C15orf61: variants seen among roughly 807,000 people sequenced by gnomAD.
C15orf61 encodes the protein chromosome 15 open reading frame 61, also known as uncharacterized protein C15orf61.
C15orf61 carries 12 observed loss-of-function variants against 13.7 expected under a neutral mutation model. The ratio of observed to expected loss-of-function variants is 0.88; its 90% CI spans 0.56 to 1.42. The LOEUF (loss-of-function observed/expected upper bound fraction) is 1.42, where lower values mean the gene tolerates loss of function less well. Ranked by LOEUF, C15orf61 falls within the 40% of genes most tolerant of loss-of-function variation. C15orf61 has a pLI of 0.00. For synonymous variants in C15orf61, 92 were observed against 94.1 expected (o/e 0.98, Z 0.13); for missense variants, 248 against 213.2 (o/e 1.16, Z -1.02).
At chr15:67,526,004 C>A (rs1263410977) in intron 1 of C15orf61, among the ~76,000 whole-genome samples, 1 of 152,208 alleles carries the variant, frequency 6.6e-6, no homozygotes, top group Non-Finnish European at 1.5e-5. Flanking sequence ...CAGAGTGAGA[C>A]TCCATCTCAC....
intron 1 of C15orf61, among the ~76,000 whole-genome samples, chr15:67,523,018 A>G (rs1202024994): frequency 1.3e-5 from 2 of 152,214 alleles, no homozygotes; most frequent in Non-Finnish European, 2.9e-5. Context: ...AAGTTGAAAG[A>G]AACAACAGTT....
chr15:67,521,398 C>T lies in C15orf61; in HGVS notation c.150C>T (p.Ser50=), dbSNP rs1273144205. The change falls in exon 1 of 2, where the codon TCC becomes TCT. Residue 50 remains serine (S), a synonymous_variant. Coordinates refer to ENST00000342683, the MANE Select transcript of C15orf61 (RefSeq NM_001143936.2). ...LLQRRLPHWT[S]FCVPYSAVRN... Reference sequence around the variant, plus strand: ...AGCGGCGCCTGCCGCACTGGACCTCCTTCTGCGTGCCCTACAGCGCCGTCC... The same window carrying T: ...AGCGGCGCCTGCCGCACTGGACCTCTTTCTGCGTGCCCTACAGCGCCGTCC... The T allele has an allele frequency of 2.6e-6, 4 of 1,542,484 alleles. No homozygotes were observed. Among genetic ancestry groups the T allele is most frequent in the African/African-American group, 1.4e-5 (1 of 73,038 alleles).
intron 1 of C15orf61, among the ~76,000 whole-genome samples, chr15:67,524,739 C>G (rs1400305499): frequency 6.6e-6 from 1 of 151,888 alleles, no homozygotes. Flanking sequence ...AGCAAACACA[C>G]TCAAAAAGAG....
chr15:67,523,190 G>T (rs1412532159), intron 1 of C15orf61, among the ~76,000 whole-genome samples: 1 of 152,080 alleles, frequency 6.6e-6, no homozygotes, highest in Non-Finnish European at 1.5e-5. Flanking sequence ...TACAAATTGG[G>T]ATATACTGAT....
At chr15:67,522,497 T>C (rs1011265079) in intron 1 of C15orf61, among the ~76,000 whole-genome samples, 3 of 152,212 alleles carry the variant, frequency 2.0e-5, no homozygotes, top group African/African-American at 4.8e-5. Context: ...AGTCTGTGTA[T>C]TTGTGCTTAT....
intron 1 of C15orf61, 121 bp downstream of exon 1, chr15:67,521,715 C>A: frequency 9.4e-7 from 1 of 1,067,434 alleles, no homozygotes; most frequent in Non-Finnish European, 1.3e-6. Flanking sequence ...AGCTCTGCCT[C>A]CCGGCGCCGG....
chr15:67,521,824 G>T, intron 1 of C15orf61: 2 of 617,704 alleles, frequency 3.2e-6, no homozygotes, highest in South Asian at 4.0e-5. Flanking sequence ...GCGTCCTCGG[G>T]CCTAGGGAGG....
rs1167662062 is a variant in C15orf61, at chr15:67,526,699, A to C, written c.*154A>C. On this transcript the variant is annotated 3_prime_UTR_variant, in exon 2 of 2. Coordinates refer to ENST00000342683, the MANE Select transcript of C15orf61 (RefSeq NM_001143936.2). ...ATGAATCATTGCCCTCAAGAGGTGAAGCTTTTTATACATCGTTATATATTA... is the reference window on the plus strand; with the variant it reads ...ATGAATCATTGCCCTCAAGAGGTGACGCTTTTTATACATCGTTATATATTA... 1.5e-6 allele frequency: 1 copy of C among 679,982 alleles called. No homozygotes were observed. Among genetic ancestry groups the C allele is most frequent in the Admixed American group, 3.8e-5 (1 of 26,652 alleles). The allele number at this position is 679,982 out of a possible 1,614,324, so 42.1% of individuals were successfully genotyped here. A position where few individuals can be genotyped will look rare whatever the true frequency, so the allele number is the denominator to read the frequency against.
At position 67,528,017 on chromosome 15, in the gene C15orf61, C is replaced by T. The variant is rs1183054286; in HGVS notation, c.*1472C>T. 1 of 152,182 alleles carries T rather than the reference C, an allele frequency of 6.6e-6. No homozygotes were observed. Among genetic ancestry groups the T allele is most frequent in the Non-Finnish European group, 1.5e-5 (1 of 68,032 alleles). The allele number at this position is 152,182 out of a possible 1,614,324, so 9.4% of individuals were successfully genotyped here. A position where few individuals can be genotyped will look rare whatever the true frequency, so the allele number is the denominator to read the frequency against. ...TGCAGGGAAGGCTAGAACTGATTTC[C>T]TCTGTAATGGGCAAAGTTAAATAAC... On this transcript the variant is annotated 3_prime_UTR_variant, in exon 2 of 2. Transcript: ENST00000342683.
At chr15:67,524,843 T>G (rs1596529096) in intron 1 of C15orf61, among the ~76,000 whole-genome samples, 1 of 148,726 alleles carries the variant, frequency 6.7e-6, no homozygotes, top group Non-Finnish European at 1.5e-5. Context: ...GTTTGTTTTT[T>G]TTTTTTTTTT....
In C15orf61 at chr15:67,528,009, C is replaced by A. The variant is rs946822366; in HGVS notation, c.*1464C>A. ...TAGCATTTTGCAGGGAAGGCTAGAACTGATTTCCTCTGTAATGGGCAAAGT... is the reference window on the plus strand; with the variant it reads ...TAGCATTTTGCAGGGAAGGCTAGAAATGATTTCCTCTGTAATGGGCAAAGT... On this transcript the variant is annotated 3_prime_UTR_variant, in exon 2 of 2. Transcript: ENST00000342683. The A allele has an allele frequency of 5.9e-5, 9 of 152,204 alleles. No individual in the cohort carries two copies. Among genetic ancestry groups the A allele is most frequent in the African/African-American group, 2.2e-4 (9 of 41,450 alleles). The allele number at this position is 152,204 out of a possible 1,614,324, so 9.4% of individuals were successfully genotyped here. A position where few individuals can be genotyped will look rare whatever the true frequency, so the allele number is the denominator to read the frequency against.
Position 67,521,186 on chromosome 15 carries a change from C to T in C15orf61, c.-63C>T, listed in dbSNP as rs2084155851. The T allele has an allele frequency of 1.8e-6, 2 of 1,117,626 alleles. No individual in the cohort carries two copies. Among genetic ancestry groups the T allele is most frequent in the Non-Finnish European group, 1.1e-6 (1 of 896,614 alleles). The allele number at this position is 1,117,626 out of a possible 1,614,324, so 69.2% of individuals were successfully genotyped here. A position where few individuals can be genotyped will look rare whatever the true frequency, so the allele number is the denominator to read the frequency against. ...GCCGGTTGGCCTTCCCGGCGCTCGC[C>T]CGGGGGCGCGCTTGCGCGCCAGCGG... On this transcript the variant is annotated 5_prime_UTR_variant, in exon 1 of 2. Coordinates refer to ENST00000342683, the MANE Select transcript of C15orf61 (RefSeq NM_001143936.2).
chr15:67,521,590 C>G lies in C15orf61; in HGVS notation c.342C>G (p.Asn114Lys). Residue 114 changes from asparagine (N) to lysine (K), a missense_variant, in exon 1 of 2, where the codon AAC becomes AAG. Physicochemically the swap from Asn to Lys is moderately conservative, Grantham distance 94. Coordinates refer to ENST00000342683, the MANE Select transcript of C15orf61 (RefSeq NM_001143936.2). ...TCTTCACGGCGCTCAAGGTCGTCAA[C>G]CTCGGTGAGTGGCGACTGCCGCGCC... ...NRFFTALKVV[N>K]LGIPTLLYGL... 1 of 1,523,348 alleles carries G rather than the reference C, an allele frequency of 6.6e-7. No individual in the cohort carries two copies. The highest frequency in any genetic ancestry group is 8.9e-7 in the Non-Finnish European group (1 of 1,128,822). 94.4% of individuals were successfully genotyped at this position (1,523,348 alleles called of 1,614,324 possible).
Position 67,521,460 on chromosome 15 carries a change from C to G in C15orf61, c.212C>G (p.Pro71Arg), listed in dbSNP as rs1375017287. 11 of 1,547,904 alleles carry G rather than the reference C, an allele frequency of 7.1e-6. No homozygotes were observed. The South Asian group carries it at 9.5e-5, about 13-fold the overall frequency. The change falls in exon 1 of 2, where the codon CCG becomes CGG. Residue 71 changes from proline to arginine, a missense_variant. Pro to Arg is a moderately radical substitution (Grantham distance 103). Coordinates refer to ENST00000342683, the MANE Select transcript of C15orf61 (RefSeq NM_001143936.2). ...TTCGGCCTCTCGCACTTCAACTGGCCGGTGCAGGGCGCCAACTACCACGTC... is the reference window on the plus strand; with the variant it reads ...TTCGGCCTCTCGCACTTCAACTGGCGGGTGCAGGGCGCCAACTACCACGTC... ...DQFGLSHFNWPVQGANYHVLR... is the reference protein window; with the variant it reads ...DQFGLSHFNWRVQGANYHVLR...
rs969537783 is a variant in C15orf61 at position 67,525,280 on chromosome 15, A to G, written c.347-1138A>G. 6.6e-6 allele frequency among the ~76,000 whole-genome samples: 1 copy of G among 152,224 alleles called. No individual in the cohort carries two copies. Among genetic ancestry groups the G allele is most frequent in the African/African-American group, 2.4e-5 (1 of 41,466 alleles). ...GTATTTGTTATTGATTCATGTGCCT[A>G]TGGTTTTATTACATATGTTTTTAAT... On this transcript the variant is annotated intron_variant, in intron 1 of 1. Coordinates refer to ENST00000342683, the MANE Select transcript of C15orf61 (RefSeq NM_001143936.2). This position sits in a 1 kb window ranked among gnomAD's most constrained non-coding sequence, Gnocchi z 4.9.
intron 1 of C15orf61, chr15:67,522,342 G>C: frequency 4.5e-6 from 3 of 659,782 alleles, no homozygotes; most frequent in Non-Finnish European, 8.1e-6. Flanking sequence ...AATCAATCTA[G>C]ATTTCAGTGA....
In C15orf61 at chr15:67,521,485, C is replaced by G; in HGVS notation, c.237C>G (p.Val79=). 4 of 1,548,662 alleles carry G rather than the reference C, an allele frequency of 2.6e-6. No individual in the cohort carries two copies. The highest frequency in any genetic ancestry group is 3.5e-6 in the Non-Finnish European group (4 of 1,146,750). The change falls in exon 1 of 2, where the codon GTC becomes GTG. Residue 79 remains valine (V), a synonymous_variant. Transcript: ENST00000342683. ...NWPVQGANYH[V]LRTGCFPFIK... is the part of the protein sequence containing the mutation. ...CGGTGCAGGGCGCCAACTACCACGT[C>G]CTGCGCACCGGCTGCTTCCCCTTCA... is the stretch of plus-strand genomic sequence containing the variant.
intron 1 of C15orf61, among the ~76,000 whole-genome samples, chr15:67,523,722 A>G (rs1217963404): frequency 6.6e-6 from 1 of 152,232 alleles, no homozygotes. Flanking sequence ...TTAATTTTTC[A>G]GAAAAAATTG....
intron 1 of C15orf61, chr15:67,522,024 C>T (rs566381450): frequency 4.3e-6 from 3 of 699,510 alleles, no homozygotes; most frequent in Admixed American, 2.0e-5. Context: ...ACTGGAACTA[C>T]TCTTTTAAGT....
Sources: gnomAD v4.1 joint callset for allele counts (sites outside exome capture counted in the v4.1 genomes callset) on GRCh38, gnomAD v4.1.1 for gene constraint, Gnocchi (gnomAD v3.1) non-coding constraint, MANE v1.5 for transcripts, NCBI Gene and HGNC (gene_info 2026-07-23, HGNC 2026-07-21) for gene names.